KIF13A: variants seen among roughly 807,000 people sequenced by gnomAD.
KIF13A encodes kinesin-like protein KIF13A.
KIF13A carries 79 observed loss-of-function variants against 212.2 expected under a neutral mutation model. That is an observed-to-expected ratio of 0.37 (90% CI 0.31 to 0.45). The LOEUF (loss-of-function observed/expected upper bound fraction) is 0.45. KIF13A is among the 20% of genes least tolerant of loss of function. The pLI is 1.00. For synonymous variants in KIF13A, 789 were observed against 808.6 expected, an observed-to-expected ratio of 0.98 and a Z score of 0.41; for missense variants, 1,901 against 2,209.0, an observed-to-expected ratio of 0.86 and a Z score of 2.79.
chr6:17,974,886 T>C (rs1304188433), intron 2 of KIF13A, among the ~76,000 whole-genome samples: 2 of 152,236 alleles, frequency 1.3e-5, no homozygotes, highest in Admixed American at 6.5e-5. Context: ...ACATGTCAAG[T>C]ATTCAATGAT....
rs148013310 is a variant in KIF13A, at chr6:17,900,479, C to T, written c.147-2299G>A. The stretch of plus-strand genomic sequence containing the variant: ...TGGGAATACCAATATAATTCTGCTA[C>T]CTTCTTTTGTGTTTCTGAATAAATG... On this transcript the variant is annotated intron_variant, in intron 2 of 38. Coordinates refer to ENST00000259711, the MANE Select transcript of KIF13A (RefSeq NM_022113.6). The surrounding 1 kb of genome is among the most constrained non-coding windows in gnomAD (Gnocchi z 4.6). Among the ~76,000 whole-genome samples the T allele has an allele frequency of 2.8e-4, 42 of 152,306 alleles. No individual in the cohort carries two copies. The highest frequency in any genetic ancestry group is 9.6e-4 in the African/African-American group (40 of 41,568).
intron 16 of KIF13A, chr6:17,821,660 A>G (rs572914134): frequency 1.2e-5 from 13 of 1,112,676 alleles, no homozygotes; most frequent in Non-Finnish European, 1.6e-5. Flanking sequence ...CATCAGCCAG[A>G]AAACTCCAGC....
Position 17,771,916 on chromosome 6 carries a change from T to C in KIF13A, c.4468A>G (p.Ser1490Gly). The C allele has an allele frequency of 6.2e-7, 1 of 1,613,982 alleles. No individual in the cohort carries two copies. Residue 1490 changes from serine to glycine, a missense_variant, in exon 37 of 39, where the codon AGC becomes GGC. Ser to Gly is a moderately conservative substitution (Grantham distance 56). Coordinates refer to ENST00000259711, the MANE Select transcript of KIF13A (RefSeq NM_022113.6). The surrounding 1 kb of genome is among the most constrained non-coding windows in gnomAD (Gnocchi z 5.4). ...RIALEARPLLSQESMPPPQAH... is the reference protein window; with the variant it reads ...RIALEARPLLGQESMPPPQAH... The stretch of plus-strand genomic sequence containing the variant: ...ACAAGTCAAGCATTTACCTCCTGGC[T>C]TAGAAGAGGCCTTGCTTCCAGGGCT...
In KIF13A at chr6:17,856,784, A is replaced by G. The variant is rs1291021424; in HGVS notation, c.221-662T>C. ...GAGTGACAATCTGTTTTAAACACATAAAAGGACAGCATTTGCTACCCTTTG... is the reference window on the plus strand; with the variant it reads ...GAGTGACAATCTGTTTTAAACACATGAAAGGACAGCATTTGCTACCCTTTG... On this transcript the variant is annotated intron_variant, in intron 4 of 38. Transcript: ENST00000259711. This position sits in a 1 kb window ranked among gnomAD's most constrained non-coding sequence, Gnocchi z 4.5. 1.3e-5 allele frequency among the ~76,000 whole-genome samples: 2 copies of G among 152,202 alleles called. No homozygotes were observed. The highest frequency in any genetic ancestry group is 2.9e-5 in the Non-Finnish European group (2 of 68,040).
At chr6:17,970,568 T>C (rs1403460233) in intron 2 of KIF13A, among the ~76,000 whole-genome samples, 3 of 152,228 alleles carry the variant, frequency 2.0e-5, no homozygotes, top group Non-Finnish European at 2.9e-5. Context: ...TACCAGGTAG[T>C]TTTCTTTTCT....
intron 32 of KIF13A, 38 bp from the exon 33 acceptor site, chr6:17,779,137 G>T (rs752957962): frequency 6.3e-7 from 1 of 1,582,398 alleles, no homozygotes; most frequent in East Asian, 2.3e-5. Flanking sequence ...ACTTTGATGT[G>T]AACAACGTTT....
intron 17 of KIF13A, among the ~76,000 whole-genome samples, chr6:17,813,838 T>C (rs1471190402): frequency 6.6e-6 from 1 of 152,078 alleles, no homozygotes; most frequent in Non-Finnish European, 1.5e-5. Flanking sequence ...CCTCTCAGCC[T>C]GAGTTTCCTT....
At chr6:17,937,818 C>T (rs138475143) in intron 2 of KIF13A, among the ~76,000 whole-genome samples, 86 of 148,500 alleles carry the variant, frequency 5.8e-4, no homozygotes, top group African/African-American at 2.0e-3. Context: ...GGCACAATTT[C>T]GGCCACCGCA....
chr6:17,805,534 C>G lies in KIF13A; in HGVS notation c.2245G>C (p.Glu749Gln). ...STQVWTIEKL[E>Q]NKLIDMRDLY... ...TCTCTCATGTCAATTAATTTATTCT[C>G]CAGCTTCTCAATGGTCCACACTTGG... is the stretch of plus-strand genomic sequence containing the variant. Residue 749 changes from glutamate (E) to glutamine (Q), a missense_variant, in exon 19 of 39, where the codon GAG (glutamate) becomes CAG (glutamine). Glu to Gln is a conservative substitution (Grantham distance 29). Coordinates refer to ENST00000259711, the MANE Select transcript of KIF13A (RefSeq NM_022113.6). 6.2e-7 allele frequency: 1 copy of G among 1,613,764 alleles called. No individual in the cohort carries two copies. Among genetic ancestry groups the G allele is most frequent in the South Asian group, 1.1e-5 (1 of 91,064 alleles).
chr6:17,833,293 A>G (rs1380490055), intron 12 of KIF13A, among the ~76,000 whole-genome samples: 1 of 151,402 alleles, frequency 6.6e-6, no homozygotes. Context: ...TCAGAGTTTG[A>G]GACCAGCCCG....
At chr6:17,852,172 C>G in intron 6 of KIF13A, 130 bp from the exon 7 acceptor site, 2 of 443,264 alleles carry the variant, frequency 4.5e-6, no homozygotes, top group Non-Finnish European at 8.1e-6. Context: ...CCCAACAAAT[C>G]TAAAAGCTAC....
At chr6:17,763,535 T>C (rs1327309052), downstream of KIF13A, among the ~76,000 whole-genome samples, 1 of 151,332 alleles carries the variant, frequency 6.6e-6, no homozygotes, top group Non-Finnish European at 1.5e-5. Flanking sequence ...CTGAGTTACT[T>C]CCAAAGTCCA....
intron 2 of KIF13A, among the ~76,000 whole-genome samples, chr6:17,931,367 G>A (rs1775970663): frequency 6.6e-6 from 1 of 152,114 alleles, no homozygotes; most frequent in South Asian, 2.1e-4. Context: ...GAGAAGTGAT[G>A]TGGCATAAAA....
chr6:17,845,083 A>G (rs1227545571), intron 9 of KIF13A, among the ~76,000 whole-genome samples: 2 of 152,176 alleles, frequency 1.3e-5, no homozygotes, highest in Admixed American at 1.3e-4. Flanking sequence ...CAATCATGAC[A>G]GAAGGCAAAA....
chr6:17,952,884 A>C (rs58899911), intron 2 of KIF13A, among the ~76,000 whole-genome samples: 1,652 of 151,244 alleles, frequency 0.011, 24 homozygotes, highest in African/African-American at 0.038. Flanking sequence ...GAGCCGAGAT[A>C]GCGCCACTGC....
chr6:17,821,552 G>GGTGTGTGTGTGTGTGTGTGTGTGTGT (rs111387037), intron 16 of KIF13A, among the ~76,000 whole-genome samples: 3,349 of 111,816 alleles, frequency 0.03, 301 homozygotes, highest in Middle Eastern at 0.057. Flanking sequence ...ATTGGGACAT[G>GGTGTGTGTGTGTGTGTGTGTGTGTGT]GTGTGTGTGT....
intron 16 of KIF13A, among the ~76,000 whole-genome samples, chr6:17,819,138 T>C (rs1201363092): frequency 2.6e-5 from 4 of 151,588 alleles, no homozygotes; most frequent in African/African-American, 4.8e-5. Context: ...TAGCTGGGAC[T>C]ACAGGTGCCC....
chr6:17,943,400 A>ATTTTTTT (rs11311833), intron 2 of KIF13A, among the ~76,000 whole-genome samples: 9 of 132,286 alleles, frequency 6.8e-5, no homozygotes, highest in African/African-American at 2.9e-5. Flanking sequence ...TAAAACACAG[A>ATTTTTTT]TTTTTTTTTT....
In KIF13A at chr6:17,783,338, A is replaced by G. The variant is rs1244017330; in HGVS notation, c.3544+308T>C. Among the ~76,000 whole-genome samples the G allele has an allele frequency of 6.6e-6, 1 of 152,224 alleles. No homozygotes were observed. Among genetic ancestry groups the G allele is most frequent in the Non-Finnish European group, 1.5e-5 (1 of 68,042 alleles). On this transcript the variant is annotated intron_variant, in intron 29 of 38. Transcript: ENST00000259711. The surrounding 1 kb of genome is among the most constrained non-coding windows in gnomAD (Gnocchi z 4.3). ...GGGCACTAGTCAGAGATGCAGATTC[A>G]TAGGCCCTTGCCAAGCCTAAAGACT... is the stretch of plus-strand genomic sequence containing the variant.
Sources: allele counts gnomAD v4.1 joint callset (sites outside exome capture counted in the v4.1 genomes callset), GRCh38; gene constraint gnomAD v4.1.1; non-coding constraint Gnocchi (gnomAD v3.1); transcripts MANE v1.5; gene names NCBI Gene and HGNC (gene_info 2026-07-23, HGNC 2026-07-21).